RCC1: variants seen among roughly 807,000 people sequenced by gnomAD.
RCC1 encodes the protein regulator of chromosome condensation 1.
Under a neutral mutation model 44.4 loss-of-function variants are expected in RCC1, and 11 were observed. The ratio of observed to expected loss-of-function variants is 0.25; its 90% CI spans 0.16 to 0.41. The LOEUF (loss-of-function observed/expected upper bound fraction) is 0.41. Among genes scored for constraint, RCC1 ranks in the 10% least tolerant of loss-of-function variants. The pLI, the probability that RCC1 is intolerant of heterozygous loss-of-function variation, is 1.00. For missense variants in RCC1, 386 were observed against 547.1 expected (o/e 0.71, Z 2.94); for synonymous variants, 213 against 216.5 (o/e 0.98, Z 0.14).
chr1:28,507,429 T>C (rs747067701), intron 1 of RCC1: 2 of 519,036 alleles, frequency 3.9e-6, no homozygotes, highest in Non-Finnish European at 7.7e-6. Context: ...TAGGGGAGCA[T>C]AGGGCTCTGC....
intron 3 of RCC1, chr1:28,509,227 A>G (rs1662305822): frequency 7.8e-6 from 2 of 256,490 alleles, no homozygotes; most frequent in South Asian, 8.5e-5. Context: ...TTTAAGAACC[A>G]CAGAAGTGAC....
chr1:28,538,246 T>C lies in RCC1; in HGVS notation c.*239T>C, dbSNP rs981282998. On this transcript the variant is annotated 3_prime_UTR_variant, in exon 13 of 13. Transcript: ENST00000683442. ...AGGGGGTTTTCAAAAGGAACATGGC[T>C]CACTCAGAGCTATATGGTTAGACGT... The C allele has an allele frequency of 4.6e-6, 2 of 437,862 alleles. No homozygotes were observed. The highest frequency in any genetic ancestry group is 8.2e-6 in the Non-Finnish European group (2 of 243,922). The allele number at this position is 437,862 out of a possible 1,614,324, so 27.1% of individuals were successfully genotyped here. A position where few individuals can be genotyped will look rare whatever the true frequency, so the allele number is the denominator to read the frequency against.
chr1:28,531,790 C>T lies in RCC1; in HGVS notation c.74-13C>T. 6.6e-7 allele frequency: 1 copy of T among 1,517,042 alleles called. No homozygotes were observed. The highest frequency in any genetic ancestry group is 1.8e-4 in the Middle Eastern group (1 of 5,534). The allele number at this position is 1,517,042 out of a possible 1,614,324, so 94.0% of individuals were successfully genotyped here. On this transcript the variant is annotated splice_polypyrimidine_tract_variant and intron_variant, in intron 5 of 12. Coordinates refer to ENST00000683442, the MANE Select transcript of RCC1 (RefSeq NM_001381865.2). Reference sequence around the variant, plus strand: ...ATCCTCTACACTCAGGGTCTATCTTCTTCACCCTTCAGTCTCACACAGGTC... The same window carrying T: ...ATCCTCTACACTCAGGGTCTATCTTTTTCACCCTTCAGTCTCACACAGGTC...
chr1:28,530,106 A>T (rs1275022627), intron 5 of RCC1, among the ~76,000 whole-genome samples, 167 bp downstream of exon 5: 1 of 151,314 alleles, frequency 6.6e-6, no homozygotes, highest in African/African-American at 2.4e-5. Flanking sequence ...ACCCTCTGGG[A>T]ATCACAAAGT....
Position 28,506,391 on chromosome 1 carries a change from G to C in RCC1, c.-262+307G>C, listed in dbSNP as rs899502184. The C allele has an allele frequency of 1.7e-5, 6 of 360,764 alleles. No homozygotes were observed. The Admixed American group carries it at 1.8e-4, about 11-fold the overall frequency. 22.3% of individuals were successfully genotyped at this position (360,764 alleles called of 1,614,324 possible). On this transcript the variant is annotated intron_variant, in intron 1 of 12. Transcript: ENST00000683442. ...GTGGAGACGGGGTTTCGCTATGTTG[G>C]TCAGGCTGGTTTTGAACTCCTGATT...
chr1:28,536,778 T>C lies in RCC1; in HGVS notation c.969T>C (p.Tyr323=). The C allele has an allele frequency of 6.2e-7, 1 of 1,614,116 alleles. No individual in the cohort carries two copies. The highest frequency in any genetic ancestry group is 8.5e-7 in the Non-Finnish European group (1 of 1,180,026). Residue 323 remains tyrosine (Y), a synonymous_variant, in exon 12 of 13, where the codon TAT becomes TAC. Coordinates refer to ENST00000683442, the MANE Select transcript of RCC1 (RefSeq NM_001381865.2). The surrounding 1 kb of genome is among the most constrained non-coding windows in gnomAD (Gnocchi z 4.9). ...GKAYSLGRAE[Y]GRLGLGEGAE... ...CATACAGCCTGGGCCGGGCTGAGTATGGGCGGCTGGGCCTTGGAGAGGGTG... is the reference window on the plus strand; with the variant it reads ...CATACAGCCTGGGCCGGGCTGAGTACGGGCGGCTGGGCCTTGGAGAGGGTG...
intron 3 of RCC1, among the ~76,000 whole-genome samples, chr1:28,515,141 T>A (rs1249828980): frequency 6.6e-6 from 1 of 151,126 alleles, no homozygotes; most frequent in African/African-American, 2.4e-5. Context: ...AGATGGGCAA[T>A]TAGCTGGACG....
intron 3 of RCC1, among the ~76,000 whole-genome samples, chr1:28,514,314 G>C (rs975747481): frequency 5.9e-5 from 9 of 152,114 alleles, no homozygotes; most frequent in Non-Finnish European, 1.2e-4. Context: ...GCCGGGCGTG[G>C]TGGCGGGTGC....
intron 3 of RCC1, among the ~76,000 whole-genome samples, chr1:28,514,795 T>C (rs1269044197): frequency 6.6e-6 from 1 of 150,514 alleles, no homozygotes; most frequent in Non-Finnish European, 1.5e-5. Context: ...CTGGGCACAG[T>C]GGCTCACGCC....
chr1:28,515,586 G>A (rs950755529), intron 3 of RCC1, among the ~76,000 whole-genome samples: 4 of 150,504 alleles, frequency 2.7e-5, no homozygotes, highest in Non-Finnish European at 5.9e-5. Context: ...GCATGGTGGT[G>A]CGTGTCTGTA....
chr1:28,537,682 C>G, intron 12 of RCC1, 150 bp from the exon 13 acceptor site: 1 of 738,826 alleles, frequency 1.4e-6, no homozygotes, highest in Non-Finnish European at 2.2e-6. Flanking sequence ...CTTGGGTTCT[C>G]CCAACTTCCC....
chr1:28,537,280 T>G (rs1429354676), intron 12 of RCC1, among the ~76,000 whole-genome samples: 1 of 151,670 alleles, frequency 6.6e-6, no homozygotes, highest in Non-Finnish European at 1.5e-5. Context: ...ACTTAGAATC[T>G]AAATCAAGAA....
intron 4 of RCC1, among the ~76,000 whole-genome samples, chr1:28,521,551 C>T (rs1210882252): frequency 6.6e-6 from 1 of 151,852 alleles, no homozygotes; most frequent in Admixed American, 6.6e-5. Flanking sequence ...CCCTGCCCTT[C>T]CCTGGCGATT....
intron 3 of RCC1, among the ~76,000 whole-genome samples, chr1:28,512,520 A>G (rs868658627): frequency 6.6e-6 from 1 of 151,840 alleles, no homozygotes; most frequent in African/African-American, 2.4e-5. Flanking sequence ...TTTTATCTTT[A>G]TTATTTTCTT....
chr1:28,511,471 G>A (rs1213147331), intron 3 of RCC1, among the ~76,000 whole-genome samples: 1 of 150,644 alleles, frequency 6.6e-6, no homozygotes, highest in Non-Finnish European at 1.5e-5. Flanking sequence ...CACAATCTCA[G>A]CTCACTGCAA....
intron 5 of RCC1, 53 bp downstream of exon 5, chr1:28,529,992 G>T: frequency 7.0e-7 from 1 of 1,426,176 alleles, no homozygotes; most frequent in Non-Finnish European, 9.8e-7. Flanking sequence ...GAAACCCTAA[G>T]AACCCGGGAC....
At chr1:28,520,206 C>T (rs756887717) in intron 4 of RCC1, among the ~76,000 whole-genome samples, 2 of 152,200 alleles carry the variant, frequency 1.3e-5, no homozygotes, top group Non-Finnish European at 2.9e-5. Context: ...CCTCCCTTCC[C>T]TCCTGGGGAC....
At position 28,538,024 on chromosome 1, in the gene RCC1, C is replaced by G; in HGVS notation, c.*17C>G. ...CAGAGCTGATGAAGCCTCTGAGGGC[C>G]TGGCTTCTGTCCTGCACAACCTCCC... On this transcript the variant is annotated 3_prime_UTR_variant, in exon 13 of 13. Transcript: ENST00000683442. 6.2e-7 allele frequency: 1 copy of G among 1,607,918 alleles called. No individual in the cohort carries two copies. Among genetic ancestry groups the G allele is most frequent in the South Asian group, 1.1e-5 (1 of 89,906 alleles).
chr1:28,532,221 A>G lies in RCC1; in HGVS notation c.312A>G (p.Ser104=), dbSNP rs200771050. 9 of 1,613,868 alleles carry G rather than the reference A, an allele frequency of 5.6e-6. No individual in the cohort carries two copies. Among genetic ancestry groups the G allele is most frequent in the East Asian group, 2.2e-5 (1 of 44,872 alleles). The part of the protein sequence containing the change: ...NDEGALGRDT[S]VEGSEMVPGK... The stretch of plus-strand genomic sequence containing the variant: ...AGGGTGCCCTGGGAAGGGACACATC[A>G]GTGGAGGGCTCGGAGATGGTCCCTG... The change falls in exon 7 of 13, where the codon TCA becomes TCG. Residue 104 remains serine, a synonymous_variant. Coordinates refer to ENST00000683442, the MANE Select transcript of RCC1 (RefSeq NM_001381865.2).
Sources: gnomAD v4.1 joint callset for allele counts (sites outside exome capture counted in the v4.1 genomes callset) on GRCh38, gnomAD v4.1.1 for gene constraint, Gnocchi (gnomAD v3.1) non-coding constraint, MANE v1.5 for transcripts, NCBI Gene and HGNC (gene_info 2026-07-23, HGNC 2026-07-21) for gene names.